Variants in OSBPL10 observed in about 807,000 individuals in gnomAD.
OSBPL10 encodes oxysterol-binding protein-related protein 10.
OSBPL10 carries 49 observed loss-of-function variants against 81.7 expected under a neutral mutation model. That is an observed-to-expected ratio of 0.60 (90% CI 0.48 to 0.76). The LOEUF is 0.76. Ranked by LOEUF, OSBPL10 falls within the 30% of genes least tolerant of loss-of-function variation. The probability of loss-of-function intolerance (pLI) is 0.00; values close to 1 mark genes in which losing one functional copy is unlikely to be tolerated. For missense variants in OSBPL10, 923 were observed against 987.8 expected, an observed-to-expected ratio of 0.93 and a Z score of 0.88; for synonymous variants, 419 against 383.6, an observed-to-expected ratio of 1.09 and a Z score of -1.08.
At chr3:31,795,615 GA>G in intron 4 of OSBPL10, 1 of 197,794 alleles carries the variant, frequency 5.1e-6, no homozygotes, top group South Asian at 1.3e-4. Flanking sequence ...GACAATGTGG[GA>G]AATGTTTTAG....
intron 3 of OSBPL10, among the ~76,000 whole-genome samples, chr3:31,857,813 A>AGGGAG (rs1700959840): frequency 2.5e-4 from 1 of 3,938 alleles, no homozygotes; most frequent in Non-Finnish European, 5.1e-4. Flanking sequence ...GGAGAGAGAG[A>AGGGAG]GAAAGGGAGA....
chr3:32,040,466 C>T (rs1699564965), intron 2 of OSBPL10, among the ~76,000 whole-genome samples: 2 of 151,180 alleles, frequency 1.3e-5, no homozygotes, highest in South Asian at 4.2e-4. Flanking sequence ...GTCACAGCCA[C>T]TCAGGAGGCT....
intron 1 of OSBPL10, among the ~76,000 whole-genome samples, chr3:31,910,849 A>G (rs1696554652): frequency 6.6e-6 from 1 of 152,198 alleles, no homozygotes; most frequent in African/African-American, 2.4e-5. Flanking sequence ...GCATACTTAA[A>G]TTAATTTCCT....
chr3:31,873,227 A>C (rs1373281618), intron 3 of OSBPL10, among the ~76,000 whole-genome samples: 1 of 152,222 alleles, frequency 6.6e-6, no homozygotes, highest in African/African-American at 2.4e-5. Flanking sequence ...TCAATTTAAA[A>C]AAAATGCAAT....
intron 2 of OSBPL10, among the ~76,000 whole-genome samples, chr3:31,987,746 A>G (rs1423167375): frequency 1.3e-5 from 2 of 152,228 alleles, no homozygotes; most frequent in African/African-American, 4.8e-5. Flanking sequence ...GTATAATGTC[A>G]CTTTGCCACA....
At chr3:31,740,036 T>A (rs558035479) in intron 5 of OSBPL10, among the ~76,000 whole-genome samples, 1 of 145,532 alleles carries the variant, frequency 6.9e-6, no homozygotes, top group Non-Finnish European at 1.5e-5. Context: ...GAATTGGCTA[T>A]GAATAATACT....
intron 2 of OSBPL10, among the ~76,000 whole-genome samples, chr3:31,987,224 A>AAG (rs1698947238): frequency 6.6e-6 from 1 of 152,184 alleles, no homozygotes; most frequent in Non-Finnish European, 1.5e-5. Flanking sequence ...ATACTATAAA[A>AAG]CATATAATAC....
At chr3:31,666,958 A>G (rs2125503715) in intron 10 of OSBPL10, among the ~76,000 whole-genome samples, 1 of 152,256 alleles carries the variant, frequency 6.6e-6, no homozygotes, top group South Asian at 2.1e-4. Context: ...ATCCACATAA[A>G]CAGACAAAAA....
intron 6 of OSBPL10, among the ~76,000 whole-genome samples, chr3:31,723,708 G>T (rs1376847403): frequency 6.6e-6 from 1 of 152,030 alleles, no homozygotes; most frequent in Non-Finnish European, 1.5e-5. Flanking sequence ...ATTACAAAAG[G>T]GATACAAGAA....
At chr3:31,943,704 A>C (rs1697601682) in intron 1 of OSBPL10, among the ~76,000 whole-genome samples, 1 of 152,208 alleles carries the variant, frequency 6.6e-6, no homozygotes, top group Admixed American at 6.5e-5. Flanking sequence ...ACAGTGGCTC[A>C]TGCCTGTAAT....
chr3:32,002,023 G>T (rs1182176727), intron 2 of OSBPL10, among the ~76,000 whole-genome samples: 2 of 152,150 alleles, frequency 1.3e-5, no homozygotes, highest in Non-Finnish European at 2.9e-5. Flanking sequence ...TTAATAAATG[G>T]CAGGTTAGGG....
At chr3:32,075,541 A>G (rs1348406151) in intron 1 of OSBPL10, among the ~76,000 whole-genome samples, 1 of 152,106 alleles carries the variant, frequency 6.6e-6, no homozygotes, top group Admixed American at 6.6e-5. Flanking sequence ...ATCACCAATA[A>G]TTCTATATGA....
chr3:31,702,562 T>C, intron 6 of OSBPL10, 54 bp from the exon 7 acceptor site: 1 of 1,603,766 alleles, frequency 6.2e-7, no homozygotes, highest in Non-Finnish European at 8.5e-7. Flanking sequence ...AAGTTAGAAA[T>C]AAAGTGTATG....
chr3:31,743,571 C>A (rs1697425290), intron 5 of OSBPL10, among the ~76,000 whole-genome samples: 1 of 151,842 alleles, frequency 6.6e-6, no homozygotes, highest in South Asian at 2.1e-4. Flanking sequence ...GGCTCCAAAG[C>A]AAACATATAT....
intron 7 of OSBPL10, among the ~76,000 whole-genome samples, chr3:31,689,281 A>C (rs1211272040): frequency 6.6e-6 from 1 of 152,164 alleles, no homozygotes; most frequent in African/African-American, 2.4e-5. Context: ...ACCAAATGCA[A>C]CATAATCTGG....
In OSBPL10 at chr3:31,683,958, C is replaced by T. The variant is rs150281953; in HGVS notation, c.1402G>A (p.Glu468Lys). ...TTGGCTAAAGCGCCCTTGCGGCCCT[C>T]GTGAAAGGCTGTGAGATAATACTCA... ...FVEYYLTAFH[E>K]GRKGALAKKP... The change falls in exon 8 of 12, where the codon GAG (glutamate) becomes AAG (lysine). Residue 468 changes from glutamate (E) to lysine (K), a missense_variant. Glu to Lys is a moderately conservative substitution (Grantham distance 56, BLOSUM62 1). Around this residue, in one of 3 missense-constraint regions of OSBPL10, gnomAD observed 387 missense variants for 436.3 expected, o/e 0.89. Coordinates refer to ENST00000396556, the MANE Select transcript of OSBPL10 (RefSeq NM_017784.5). 1.4e-3 allele frequency: 2,312 copies of T among 1,614,240 alleles called. 6 individuals are homozygous for T. The highest frequency in any genetic ancestry group is 1.8e-3 in the Non-Finnish European group (2,121 of 1,180,052).
At chr3:31,755,161 G>C (rs912525238) in intron 4 of OSBPL10, among the ~76,000 whole-genome samples, 1 of 152,162 alleles carries the variant, frequency 6.6e-6, no homozygotes. Context: ...GCCTCTAGTC[G>C]AAAGAATGGA....
At chr3:32,069,034 C>G (rs1010308510) in intron 1 of OSBPL10, among the ~76,000 whole-genome samples, 5 of 152,124 alleles carry the variant, frequency 3.3e-5, no homozygotes, top group African/African-American at 1.2e-4. Context: ...TAGCTCTCCC[C>G]CACCTGCCCA....
At chr3:31,983,764 G>A (rs545635918), upstream of OSBPL10, among the ~76,000 whole-genome samples, 2 of 152,278 alleles carry the variant, frequency 1.3e-5, no homozygotes, top group South Asian at 4.1e-4. Flanking sequence ...ATAGGGAAAA[G>A]GTACCTGCAG....
Sources: gnomAD v4.1 joint callset for allele counts (sites outside exome capture counted in the v4.1 genomes callset) on GRCh38, gnomAD v4.1.1 for gene constraint, gnomAD v4.1.1 regional missense constraint, MANE v1.5 for transcripts, NCBI Gene and HGNC (gene_info 2026-07-23, HGNC 2026-07-21) for gene names.